The following MYH14 variants were observed in gnomAD, a reference collection of about 807,000 sequenced individuals.
MYH14 encodes myosin-14.
A neutral mutation model predicts 255.5 loss-of-function variants in MYH14; 123 were observed. That is an observed-to-expected ratio of 0.48 (90% confidence interval 0.42 to 0.56). The LOEUF (loss-of-function observed/expected upper bound fraction) is 0.56, where lower values mean the gene tolerates loss of function less well. MYH14 is among the 20% of genes least tolerant of loss of function. The pLI, the probability that MYH14 is intolerant of heterozygous loss-of-function variation, is 0.00. For synonymous variants in MYH14, 1,095 were observed against 1,161.2 expected (o/e 0.94, Z 1.16); for missense variants, 2,423 against 2,802.3 (o/e 0.86, Z 3.06).
At position 50,310,030 on chromosome 19, in the gene MYH14, G is replaced by T; in HGVS notation, c.*240G>T. ...ATGACTGGAGCTACCTTGCTTGTTG[G>T]GGGACTGGGTACAGTTGGCAAGCTG... On this transcript the variant is annotated 3_prime_UTR_variant, in exon 43 of 43. Coordinates refer to ENST00000642316, the MANE Select transcript of MYH14 (RefSeq NM_001145809.2). The T allele has an allele frequency of 1.6e-6, 1 of 616,420 alleles. No homozygotes were observed. The highest frequency in any genetic ancestry group is 1.9e-5 in the South Asian group (1 of 51,670). The allele number at this position is 616,420 out of a possible 1,614,324, so 38.2% of individuals were successfully genotyped here.
At chr19:50,242,378 G>A (rs1161062950) in intron 10 of MYH14, among the ~76,000 whole-genome samples, 1 of 152,144 alleles carries the variant, frequency 6.6e-6, no homozygotes, top group African/African-American at 2.4e-5. Context: ...ACGTGGCTGG[G>A]GTGGCCTCCA....
chr19:50,214,580 G>T (rs746741655), intron 2 of MYH14, among the ~76,000 whole-genome samples: 2 of 152,144 alleles, frequency 1.3e-5, no homozygotes, highest in African/African-American at 4.8e-5. Flanking sequence ...GTTAAAAGCC[G>T]CATTTTCCAG....
At chr19:50,274,052 T>C (rs542972877) in intron 27 of MYH14, among the ~76,000 whole-genome samples, 4 of 152,154 alleles carry the variant, frequency 2.6e-5, no homozygotes, top group Non-Finnish European at 5.9e-5. Context: ...AATGGGGTAA[T>C]TGTAGACAGT....
Position 50,227,648 on chromosome 19 carries a change from T to C in MYH14, c.874+682T>C, listed in dbSNP as rs545346879. Among the ~76,000 whole-genome samples the C allele has an allele frequency of 8.1e-4, 124 of 152,300 alleles. 1 individual carries two copies. The highest frequency in any genetic ancestry group is 2.9e-3 in the African/African-American group (121 of 41,566). On this transcript the variant is annotated intron_variant, in intron 8 of 42. Transcript: ENST00000642316. ...GGGGCCCACCTGGCCAGCAGGCCTTTCCAGGGGAGCATCTCAGGACGGCTG... is the reference window on the plus strand; with the variant it reads ...GGGGCCCACCTGGCCAGCAGGCCTTCCCAGGGGAGCATCTCAGGACGGCTG...
intron 29 of MYH14, among the ~76,000 whole-genome samples, chr19:50,277,623 A>G (rs1001762337): frequency 8.6e-5 from 13 of 151,792 alleles, no homozygotes; most frequent in African/African-American, 3.1e-4. Flanking sequence ...ACAAACAAAC[A>G]AACAAAAATG....
At chr19:50,299,627 A>C (rs376344150) in intron 39 of MYH14, among the ~76,000 whole-genome samples, 10 of 150,902 alleles carry the variant, frequency 6.6e-5, no homozygotes, top group African/African-American at 2.4e-4. Context: ...GGAGGAGGGA[A>C]CTGCAGGTTA....
At chr19:50,271,286 C>T (rs2035289364) in intron 24 of MYH14, 123 bp from the exon 25 acceptor site, 1 of 957,322 alleles carries the variant, frequency 1.0e-6, no homozygotes, top group East Asian at 2.6e-5. Flanking sequence ...TCACCCAGGG[C>T]ATGGACATCT....
Position 50,289,539 on chromosome 19 carries a change from C to G in MYH14, c.4856C>G (p.Ala1619Gly), listed in dbSNP as rs1439811976. 13 of 1,612,908 alleles carry G rather than the reference C, an allele frequency of 8.1e-6. No homozygotes were observed. The East Asian group carries it at 2.7e-4, about 33-fold the overall frequency. Residue 1619 changes from alanine to glycine, a missense_variant, in exon 35 of 43, where the codon GCC becomes GGC. Transcript: ENST00000642316. ...LEDELTAAEDAKLRLEVTVQA... is the reference protein window; with the variant it reads ...LEDELTAAEDGKLRLEVTVQA... ...GATGAGCTGACAGCGGCCGAGGATG[C>G]CAAGCTGCGTCTGGAGGTGACTGTG...
intron 41 of MYH14, among the ~76,000 whole-genome samples, chr19:50,307,609 G>A (rs1325785143): frequency 6.6e-6 from 1 of 152,180 alleles, no homozygotes; most frequent in African/African-American, 2.4e-5. Flanking sequence ...CTGGTAAGAG[G>A]TGGGGTCAGT....
intron 34 of MYH14, among the ~76,000 whole-genome samples, chr19:50,288,486 C>A (rs1236829934): frequency 6.6e-6 from 1 of 152,164 alleles, no homozygotes; most frequent in Non-Finnish European, 1.5e-5. Context: ...ACTCCAAAGG[C>A]CCTTGTGGGA....
chr19:50,301,961 A>C, intron 40 of MYH14, 92 bp downstream of exon 40: 3 of 1,045,350 alleles, frequency 2.9e-6, no homozygotes, highest in South Asian at 1.4e-5. Flanking sequence ...GTGGTTTAGA[A>C]ACATCCAAAA....
chr19:50,281,967 G>A, intron 33 of MYH14, 125 bp downstream of exon 33: 1 of 1,010,066 alleles, frequency 9.9e-7, no homozygotes, highest in Non-Finnish European at 1.4e-6. Flanking sequence ...GGACCAGGAA[G>A]CAAGACCCTT....
chr19:50,285,564 CT>C (rs1363685623), intron 33 of MYH14: 1 of 152,022 alleles, frequency 6.6e-6, no homozygotes, highest in African/African-American at 2.4e-5. Context: ...GTATATTGAT[CT>C]TGTATCCTAC....
intron 16 of MYH14, among the ~76,000 whole-genome samples, chr19:50,253,030 A>G (rs2034460591): frequency 6.6e-6 from 1 of 152,230 alleles, no homozygotes; most frequent in South Asian, 2.1e-4. Context: ...CACTAACACT[A>G]CTGTTAAACA....
At chr19:50,277,375 G>A (rs1424227635) in intron 29 of MYH14, among the ~76,000 whole-genome samples, 1 of 152,102 alleles carries the variant, frequency 6.6e-6, no homozygotes, top group East Asian at 1.9e-4. Flanking sequence ...GGAGGCTGAG[G>A]CAGGCAGATC....
rs200988515 is a variant in MYH14, at chr19:50,276,780, C to T, written c.3704C>T (p.Thr1235Met). Residue 1235 changes from threonine (T) to methionine (M), a missense_variant, in exon 29 of 43, where the codon ACG (threonine) becomes ATG (methionine). Coordinates refer to ENST00000642316, the MANE Select transcript of MYH14 (RefSeq NM_001145809.2). This position sits in a 1 kb window ranked among gnomAD's most constrained non-coding sequence, Gnocchi z 4.3. ...ELRSKREQEV[T>M]ELKKTLEEET... is the part of the protein sequence containing the mutation. ...AGGTCCAAGAGGGAACAGGAGGTGA[C>T]GGAGCTGAAGAAGACTCTGGAGGAG... 4.7e-5 allele frequency: 76 copies of T among 1,613,362 alleles called. No individual in the cohort carries two copies. The highest frequency in any genetic ancestry group is 6.1e-5 in the Non-Finnish European group (72 of 1,179,858).
intron 33 of MYH14, among the ~76,000 whole-genome samples, chr19:50,284,344 T>C (rs1416404457): frequency 2.0e-5 from 3 of 151,924 alleles, no homozygotes; most frequent in African/African-American, 7.2e-5. Context: ...TCCTGGTTTT[T>C]TTCTTGTTTT....
At chr19:50,218,553 G>C (rs1008200762) in intron 3 of MYH14, among the ~76,000 whole-genome samples, 1 of 151,918 alleles carries the variant, frequency 6.6e-6, no homozygotes, top group South Asian at 2.1e-4. Flanking sequence ...AGCCGAGATC[G>C]CGCCACTGCA....
At chr19:50,301,951 G>A (rs957357296) in intron 40 of MYH14, 82 bp downstream of exon 40, 17 of 1,174,934 alleles carry the variant, frequency 1.4e-5, no homozygotes, top group Admixed American at 4.0e-5. Context: ...TTACAAACAC[G>A]TGGTTTAGAA....
Sources: allele counts gnomAD v4.1 joint callset (sites outside exome capture counted in the v4.1 genomes callset), GRCh38; gene constraint gnomAD v4.1.1; non-coding constraint Gnocchi (gnomAD v3.1); transcripts MANE v1.5; gene names NCBI Gene and HGNC (gene_info 2026-07-23, HGNC 2026-07-21).